The following PRRG4 variants were observed in gnomAD, a reference collection of about 807,000 sequenced individuals.
The protein encoded by PRRG4 is transmembrane gamma-carboxyglutamic acid protein 4.
In PRRG4, 12 loss-of-function variants were observed where a neutral mutation model predicts 20.0. That is an observed-to-expected ratio of 0.60 (90% CI 0.38 to 0.97). The LOEUF (loss-of-function observed/expected upper bound fraction) is 0.97. Ranked by LOEUF, PRRG4 falls within the 50% of genes least tolerant of loss-of-function variation. The pLI, the probability that PRRG4 is intolerant of heterozygous loss-of-function variation, is 0.00. For synonymous variants in PRRG4, 94 were observed against 96.4 expected (o/e 0.98, Z 0.15); for missense variants, 199 against 265.1 (o/e 0.75, Z 1.73).
chr11:32,848,771 A>C (rs1851153566), intron 5 of PRRG4, among the ~76,000 whole-genome samples: 1 of 152,062 alleles, frequency 6.6e-6, no homozygotes, highest in South Asian at 2.1e-4. Context: ...CAGGAGTTCA[A>C]GACCTGCCTA....
chr11:32,846,459 G>A (rs1277759527), intron 5 of PRRG4, among the ~76,000 whole-genome samples: 1 of 152,190 alleles, frequency 6.6e-6, no homozygotes, highest in African/African-American at 2.4e-5. Context: ...AATAGCCTTT[G>A]GGGAAGGTTT....
At position 32,853,480 on chromosome 11, in the gene PRRG4, A is replaced by G; in HGVS notation, c.634A>G (p.Lys212Glu). ...SPPPPYPGHT[K>E]GFRVFKKSMS... ...ACCACCACCATATCCTGGGCACACA[A>G]AAGGATTTAGGGTATTTAAAAAATC... is the stretch of plus-strand genomic sequence containing the variant. Residue 212 changes from lysine to glutamate, a missense_variant, in exon 6 of 6, where the codon AAA (lysine) becomes GAA (glutamate). Coordinates refer to ENST00000257836, the MANE Select transcript of PRRG4 (RefSeq NM_024081.6). 1.2e-6 allele frequency: 2 copies of G among 1,614,114 alleles called. No homozygotes were observed. The highest frequency in any genetic ancestry group is 1.7e-6 in the Non-Finnish European group (2 of 1,180,030).
intron 5 of PRRG4, among the ~76,000 whole-genome samples, chr11:32,841,635 T>C (rs1186472905): frequency 6.6e-6 from 1 of 151,986 alleles, no homozygotes; most frequent in African/African-American, 2.4e-5. Flanking sequence ...GTGAGACTCC[T>C]ATCTCTATAA....
Position 32,840,030 on chromosome 11 carries a change from C to A in PRRG4, c.317-77C>A. On this transcript the variant is annotated intron_variant, in intron 4 of 5. Coordinates refer to ENST00000257836, the MANE Select transcript of PRRG4 (RefSeq NM_024081.6). This position sits in a 1 kb window ranked among gnomAD's most constrained non-coding sequence, Gnocchi z 4.1. ...AGATGCTGTATAATGTGTTTAGAAC[C>A]AGGATTAAATTTGTTGAAATCATAG... 1 of 1,089,992 alleles carries A rather than the reference C, an allele frequency of 9.2e-7. No homozygotes were observed. Among genetic ancestry groups the A allele is most frequent in the Non-Finnish European group, 1.4e-6 (1 of 727,214 alleles). The allele number at this position is 1,089,992 out of a possible 1,614,324, so 67.5% of individuals were successfully genotyped here. A position where few individuals can be genotyped will look rare whatever the true frequency, so the allele number is the denominator to read the frequency against.
intron 3 of PRRG4, among the ~76,000 whole-genome samples, chr11:32,837,544 T>TGATGATGATG (rs1565113910): frequency 4.9e-5 from 4 of 81,286 alleles, no homozygotes; most frequent in African/African-American, 1.5e-4. Flanking sequence ...TGATGATGAT[T>TGATGATGATG]ATTATTATTA....
At chr11:32,851,577 C>T (rs1478802272) in intron 5 of PRRG4, among the ~76,000 whole-genome samples, 1 of 152,158 alleles carries the variant, frequency 6.6e-6, no homozygotes, top group Non-Finnish European at 1.5e-5. Context: ...CGCAATTTTT[C>T]TCTCTCCTTC....
intron 5 of PRRG4, among the ~76,000 whole-genome samples, chr11:32,843,249 G>A (rs7101848): frequency 0.89 from 135,060 of 152,158 alleles, 60,150 homozygotes; most frequent in East Asian, 0.99. Context: ...TATGGAGGCT[G>A]AGGTCTTTAA....
intron 3 of PRRG4, among the ~76,000 whole-genome samples, chr11:32,837,528 TGATGATG>T (rs1565113785): frequency 4.0e-4 from 45 of 112,364 alleles, no homozygotes; most frequent in African/African-American, 1.5e-3. Context: ...ATGATGATGA[TGATGATG>T]ATGATGATTA....
chr11:32,840,022 T>C lies in PRRG4; in HGVS notation c.317-85T>C. ...CAATGATTAGATGCTGTATAATGTGTTTAGAACCAGGATTAAATTTGTTGA... is the reference window on the plus strand; with the variant it reads ...CAATGATTAGATGCTGTATAATGTGCTTAGAACCAGGATTAAATTTGTTGA... On this transcript the variant is annotated intron_variant, in intron 4 of 5. Coordinates refer to ENST00000257836, the MANE Select transcript of PRRG4 (RefSeq NM_024081.6). The surrounding 1 kb of genome is among the most constrained non-coding windows in gnomAD (Gnocchi z 4.1). 9.7e-7 allele frequency: 1 copy of C among 1,035,918 alleles called. No homozygotes were observed. The highest frequency in any genetic ancestry group is 1.6e-5 in the African/African-American group (1 of 62,844). The allele number at this position is 1,035,918 out of a possible 1,614,324, so 64.2% of individuals were successfully genotyped here.
At position 32,840,238 on chromosome 11, in the gene PRRG4, T is replaced by C. The variant is rs142455444; in HGVS notation, c.448T>C (p.Cys150Arg). 323 of 1,588,440 alleles carry C rather than the reference T, an allele frequency of 2.0e-4. 1 individual carries two copies. In the African/African-American group the frequency reaches 3.9e-3, roughly 19 times the overall value. ...TAAGTGTAATAGGCTACAACATCCA[T>C]GGTAAGTACTAAGTGAAATTATTTA... is the stretch of plus-strand genomic sequence containing the variant. ...ITKCNRLQHP[C>R]SSAVYERGRH... The change falls in exon 5 of 6, where the codon TGC becomes CGC. Residue 150 changes from cysteine to arginine, a missense_variant and splice_region_variant. Physicochemically the swap from Cys to Arg is radical, Grantham distance 180. Transcript: ENST00000257836. This position sits in a 1 kb window ranked among gnomAD's most constrained non-coding sequence, Gnocchi z 4.1.
At chr11:32,832,672 G>A (rs1394945434) in intron 2 of PRRG4, among the ~76,000 whole-genome samples, 5 of 151,998 alleles carry the variant, frequency 3.3e-5, no homozygotes, top group East Asian at 3.9e-4. Flanking sequence ...TAGTAGAGAC[G>A]GGGTTTCACC....
intron 5 of PRRG4, among the ~76,000 whole-genome samples, chr11:32,849,101 G>A (rs754495786): frequency 2.0e-4 from 31 of 152,114 alleles, no homozygotes; most frequent in African/African-American, 6.3e-4. Context: ...AGTGTCTCAC[G>A]CCTATAATCC....
chr11:32,849,501 A>G (rs1377593016), intron 5 of PRRG4, among the ~76,000 whole-genome samples: 4 of 151,900 alleles, frequency 2.6e-5, no homozygotes, highest in Admixed American at 2.6e-4. Context: ...CGTCTCTACT[A>G]AAAATACAAA....
At chr11:32,849,537 G>A (rs527578565) in intron 5 of PRRG4, among the ~76,000 whole-genome samples, 76 of 152,048 alleles carry the variant, frequency 5.0e-4, no homozygotes, top group African/African-American at 1.4e-3. Flanking sequence ...GGTGGTGCGC[G>A]CCTGTAATCC....
chr11:32,832,192 AG>A (rs1255611379), intron 2 of PRRG4, among the ~76,000 whole-genome samples: 15 of 152,126 alleles, frequency 9.9e-5, no homozygotes, highest in African/African-American at 3.6e-4. Context: ...GCTAAGTGCC[AG>A]GCCCCGTGCT....
intron 5 of PRRG4, among the ~76,000 whole-genome samples, chr11:32,849,111 C>T (rs1450716340): frequency 2.6e-5 from 4 of 152,112 alleles, no homozygotes; most frequent in Non-Finnish European, 2.9e-5. Context: ...GCCTATAATC[C>T]TAGTACTTTG....
At chr11:32,844,037 C>T (rs992211424) in intron 5 of PRRG4, among the ~76,000 whole-genome samples, 2 of 152,228 alleles carry the variant, frequency 1.3e-5, no homozygotes, top group South Asian at 2.1e-4. Flanking sequence ...TTCTAAAATA[C>T]ATTAGTCCTA....
chr11:32,853,615 G>A lies in PRRG4; in HGVS notation c.*88G>A, dbSNP rs1409698716. The A allele has an allele frequency of 3.7e-6, 4 of 1,091,458 alleles. No individual in the cohort carries two copies. In the East Asian group the frequency reaches 9.5e-5, roughly 26 times the overall value. 67.6% of individuals were successfully genotyped at this position (1,091,458 alleles called of 1,614,324 possible). On this transcript the variant is annotated 3_prime_UTR_variant, in exon 6 of 6. Transcript: ENST00000257836. ...GCCTGTAATCCCAGCACTTTGGGAG[G>A]CCAGGAGTTCGAGACCAGCCTGGCC... is the stretch of plus-strand genomic sequence containing the variant.
chr11:32,832,955 G>A (rs796554369), intron 2 of PRRG4, among the ~76,000 whole-genome samples: 10 of 152,310 alleles, frequency 6.6e-5, no homozygotes, highest in African/African-American at 2.2e-4. Context: ...AAATAGAGAA[G>A]GGTAGAGAAT....
Sources: allele counts gnomAD v4.1 joint callset (sites outside exome capture counted in the v4.1 genomes callset), GRCh38; gene constraint gnomAD v4.1.1; non-coding constraint Gnocchi (gnomAD v3.1); transcripts MANE v1.5; gene names NCBI Gene and HGNC (gene_info 2026-07-23, HGNC 2026-07-21).